Variants in ANK3 observed in about 807,000 individuals in gnomAD.
The protein encoded by ANK3 is ankyrin-3.
Under a neutral mutation model 370.9 loss-of-function variants are expected in ANK3, and 57 were observed. The observed-to-expected ratio is 0.15, with a 90% CI of 0.12 to 0.19. ANK3 has a LOEUF of 0.19. Among genes scored for constraint, ANK3 ranks in the 10% least tolerant of loss-of-function variants. The pLI, the probability that ANK3 is intolerant of heterozygous loss-of-function variation, is 1.00. For synonymous variants in ANK3, 1,929 were observed against 1,946.3 expected (o/e 0.99, Z 0.23); for missense variants, 4,439 against 5,302.1 (o/e 0.84, Z 5.06).
intron 2 of ANK3, among the ~76,000 whole-genome samples, chr10:60,560,882 C>T (rs2077320262): frequency 6.6e-6 from 1 of 151,894 alleles, no homozygotes; most frequent in South Asian, 2.1e-4. Context: ...ATTAATAGAC[C>T]ACCGTGGTTC....
intron 2 of ANK3, among the ~76,000 whole-genome samples, chr10:60,477,518 C>CAT (rs1300693580): frequency 2.5e-4 from 21 of 85,060 alleles, no homozygotes; most frequent in African/African-American, 9.2e-4. Flanking sequence ...GACAGACATA[C>CAT]ACACACACAC....
At chr10:60,091,812 G>A (rs2132038668) in intron 28 of ANK3, among the ~76,000 whole-genome samples, 1 of 151,122 alleles carries the variant, frequency 6.6e-6, no homozygotes, top group Middle Eastern at 3.4e-3. Context: ...CTCACTGCAA[G>A]CTCTGCCTCC....
intron 2 of ANK3, among the ~76,000 whole-genome samples, chr10:60,467,481 CAGA>C (rs1489208716): frequency 6.6e-6 from 1 of 152,112 alleles, no homozygotes; most frequent in Non-Finnish European, 1.5e-5. Flanking sequence ...CCATTCTTTA[CAGA>C]AGGTTTTTGA....
chr10:60,239,100 A>G (rs988808528), intron 7 of ANK3, among the ~76,000 whole-genome samples: 3 of 152,200 alleles, frequency 2.0e-5, no homozygotes, highest in Admixed American at 2.0e-4. Flanking sequence ...AAATAAAAAC[A>G]TTAAGGAGAA....
In ANK3 at chr10:60,069,457, C is replaced by T. The variant is rs2082285383; in HGVS notation, c.11424G>A (p.Leu3808=). The part of the protein sequence containing the change: ...QTDNIMSNIV[L]TEHSAPTCTT... ...TACAAGTGGGTGCAGAATGTTCTGT[C>T]AGAACTATATTACTCATAATGTTAT... Residue 3808 remains leucine, a synonymous_variant, in exon 37 of 44, where the codon CTG becomes CTA. Transcript: ENST00000280772. The T allele has an allele frequency of 6.2e-7, 1 of 1,613,952 alleles. No individual in the cohort carries two copies. The highest frequency in any genetic ancestry group is 8.5e-7 in the Non-Finnish European group (1 of 1,179,932).
chr10:60,114,387 C>T (rs1399143279), intron 25 of ANK3, 56 bp from the exon 26 acceptor site: 1 of 881,444 alleles, frequency 1.1e-6, no homozygotes, highest in African/African-American at 1.7e-5. Flanking sequence ...AGACTGATTT[C>T]TCTACACATA....
intron 1 of ANK3, among the ~76,000 whole-genome samples, chr10:60,620,547 G>A (rs2078321984): frequency 6.6e-6 from 1 of 152,176 alleles, no homozygotes; most frequent in Non-Finnish European, 1.5e-5. Flanking sequence ...CTGAACCCAG[G>A]TTGAGGGACT....
At chr10:60,551,297 G>A (rs892084279) in intron 2 of ANK3, among the ~76,000 whole-genome samples, 2 of 152,104 alleles carry the variant, frequency 1.3e-5, no homozygotes, top group Non-Finnish European at 2.9e-5. Context: ...ATTGAAAATA[G>A]TAGAAAGGGC....
chr10:60,364,967 A>G (rs535887275), intron 1 of ANK3, among the ~76,000 whole-genome samples: 2 of 151,708 alleles, frequency 1.3e-5, no homozygotes, highest in South Asian at 4.2e-4. Flanking sequence ...CCAAATTACC[A>G]CACACTTAAA....
chr10:60,730,378 G>A (rs940109592), intron 1 of ANK3, among the ~76,000 whole-genome samples: 2 of 152,012 alleles, frequency 1.3e-5, no homozygotes, highest in African/African-American at 4.8e-5. Context: ...GGCTGGTCTC[G>A]AACTCCTGGG....
At chr10:60,503,413 C>T (rs533831960) in intron 2 of ANK3, among the ~76,000 whole-genome samples, 7 of 152,278 alleles carry the variant, frequency 4.6e-5, no homozygotes, top group African/African-American at 1.7e-4. Flanking sequence ...CTCACTAAAT[C>T]CTCATAATAG....
chr10:60,583,728 G>T (rs761901938), intron 2 of ANK3, among the ~76,000 whole-genome samples: 2 of 151,766 alleles, frequency 1.3e-5, no homozygotes, highest in Middle Eastern at 3.2e-3. Context: ...GATTACAGGC[G>T]CATACTACCA....
At chr10:60,084,972 G>A in intron 31 of ANK3, 142 bp from the exon 32 acceptor site, 1 of 757,230 alleles carries the variant, frequency 1.3e-6, no homozygotes, top group South Asian at 2.2e-5. Context: ...CAGCAAAGAT[G>A]CTTTTTCGAT....
At position 60,239,946 on chromosome 10, in the gene ANK3, T is replaced by TTTATACATAAAAATATA. The variant is rs2097400518; in HGVS notation, c.799-5161_799-5160insTATATTTTTATGTATAA. 4.0e-5 allele frequency among the ~76,000 whole-genome samples: 6 copies of TTTATACATAAAAATATA among 151,000 alleles called. No homozygotes were observed. The South Asian group carries it at 1.3e-3, about 31-fold the overall frequency. ...CAAACTATGAAAAATAAGATAAATT[T>TTTATACATAAAAATATA]TTATACATAAATATATATGCATTCT... is the stretch of plus-strand genomic sequence containing the variant. On this transcript the variant is annotated intron_variant, in intron 7 of 43. Transcript: ENST00000280772.
rs1187791943 is a variant in ANK3, at chr10:60,105,980, C to T, written c.3253G>A (p.Gly1085Ser). 5 of 1,612,716 alleles carry T rather than the reference C, an allele frequency of 3.1e-6. No homozygotes were observed. The highest frequency in any genetic ancestry group is 4.2e-6 in the Non-Finnish European group (5 of 1,179,312). Residue 1085 changes from glycine (G) to serine (S), a missense_variant, in exon 28 of 44, where the codon GGT becomes AGT. Physicochemically the swap from Gly to Ser is moderately conservative, Grantham distance 56. This residue lies in a region of ANK3 where 702 missense variants were observed against 941.5 expected (regional missense o/e 0.75). Coordinates refer to ENST00000280772, the MANE Select transcript of ANK3 (RefSeq NM_020987.5). ...AACTGATGCTCCTTCCAAGTTTCAC[C>T]ATTTTCACTTCGAAGAACAATGAGT... ...RELIVLRSEN[G>S]ETWKEHQFDS...
intron 1 of ANK3, among the ~76,000 whole-genome samples, chr10:60,644,890 T>A (rs1269207331): frequency 5.6e-5 from 7 of 125,960 alleles, no homozygotes; most frequent in Non-Finnish European, 9.6e-5. Context: ...AGTTTTAGTT[T>A]AAAAAAAAAA....
chr10:60,389,679 T>G lies in ANK3; in HGVS notation c.-141A>C. The G allele has an allele frequency of 6.8e-7, 1 of 1,461,764 alleles. No individual in the cohort carries two copies. The highest frequency in any genetic ancestry group is 2.4e-5 in the East Asian group (1 of 41,090). The allele number at this position is 1,461,764 out of a possible 1,614,324, so 90.5% of individuals were successfully genotyped here. A position where few individuals can be genotyped will look rare whatever the true frequency, so the allele number is the denominator to read the frequency against. On this transcript the variant is annotated 5_prime_UTR_variant, in exon 1 of 44. Coordinates refer to ENST00000280772, the MANE Select transcript of ANK3 (RefSeq NM_020987.5). ...ACTAGAAGCAGGAAGATATTCACAA[T>G]GCAAAGATGCTGGAGAAGCTGAAGC... is the stretch of plus-strand genomic sequence containing the variant.
In ANK3 at chr10:60,084,797, T is replaced by C. The variant is rs2086250285; in HGVS notation, c.3879A>G (p.Glu1293=). 4 of 1,567,476 alleles carry C rather than the reference T, an allele frequency of 2.6e-6. No homozygotes were observed. The highest frequency in any genetic ancestry group is 3.5e-6 in the Non-Finnish European group (4 of 1,158,892). The change falls in exon 32 of 44, where the codon GAA becomes GAG. Residue 1293 remains glutamate, a synonymous_variant. Coordinates refer to ENST00000280772, the MANE Select transcript of ANK3 (RefSeq NM_020987.5). ...FWLADCHQVL[E]TVGLATQLYR... is the part of the protein sequence containing the mutation. ...ACAGTTGCGTGGCTAACCCCACAGT[T>C]TCTAAAACTTGATGGCAGTCTGCAA...
chr10:60,484,590 G>C (rs941961653), intron 2 of ANK3, among the ~76,000 whole-genome samples: 1 of 152,104 alleles, frequency 6.6e-6, no homozygotes, highest in Non-Finnish European at 1.5e-5. Context: ...AGAAAGAATT[G>C]AGTGAAGAGC....
Sources: allele counts gnomAD v4.1 joint callset (sites outside exome capture counted in the v4.1 genomes callset), GRCh38; gene constraint gnomAD v4.1.1; regional missense constraint gnomAD v4.1.1; transcripts MANE v1.5; gene names NCBI Gene and HGNC (gene_info 2026-07-23, HGNC 2026-07-21).